EIF3H: variants seen among roughly 807,000 people sequenced by gnomAD.
EIF3H encodes eukaryotic translation initiation factor 3 subunit H.
A neutral mutation model predicts 44.2 loss-of-function variants in EIF3H; 26 were observed. That is an observed-to-expected ratio of 0.59 (90% confidence interval 0.43 to 0.82). The LOEUF (loss-of-function observed/expected upper bound fraction) is 0.82. Ranked by LOEUF, EIF3H falls within the 40% of genes least tolerant of loss-of-function variation. The pLI is 0.00. For synonymous variants in EIF3H, 166 were observed against 151.9 expected (o/e 1.09, Z -0.68); for missense variants, 359 against 432.8 (o/e 0.83, Z 1.51).
chr8:116,649,796 G>A (rs1027556414), intron 5 of EIF3H, among the ~76,000 whole-genome samples: 1 of 152,238 alleles, frequency 6.6e-6, no homozygotes, highest in South Asian at 2.1e-4. Flanking sequence ...GGATGGAGGA[G>A]AAAGAGAAGG....
chr8:116,748,878 A>G lies in EIF3H; in HGVS notation c.132+6788T>C, dbSNP rs535555517. Among the ~76,000 whole-genome samples the G allele has an allele frequency of 1.2e-3, 189 of 152,316 alleles. 1 individual carries two copies. The highest frequency in any genetic ancestry group is 4.4e-3 in the African/African-American group (181 of 41,568). ...TAACATTTAATACAATGTAAATGCT[A>G]TGTAAATAATTATTATACTGTATTG... is the stretch of plus-strand genomic sequence containing the variant. On this transcript the variant is annotated intron_variant, in intron 1 of 7. Transcript: ENST00000521861.
At chr8:116,723,863 G>C (rs1455208099) in intron 2 of EIF3H, among the ~76,000 whole-genome samples, 1 of 152,162 alleles carries the variant, frequency 6.6e-6, no homozygotes, top group Non-Finnish European at 1.5e-5. Context: ...ATGTTCAGAG[G>C]TTAGACTTCA....
chr8:116,756,095 C>T, upstream of EIF3H: 1 of 1,254,952 alleles, frequency 8.0e-7, no homozygotes, highest in Admixed American at 2.0e-5. Flanking sequence ...TTACAGTTCG[C>T]ATTATTTCTG....
At chr8:116,649,479 G>C (rs577027540) in intron 5 of EIF3H, among the ~76,000 whole-genome samples, 1 of 151,966 alleles carries the variant, frequency 6.6e-6, no homozygotes. Flanking sequence ...ATTCTCTCCC[G>C]AAATTTCTAT....
At chr8:116,718,281 T>A (rs918556781) in intron 2 of EIF3H, among the ~76,000 whole-genome samples, 1 of 152,130 alleles carries the variant, frequency 6.6e-6, no homozygotes, top group African/African-American at 2.4e-5. Flanking sequence ...TGTAAACTAG[T>A]AGAATGACTA....
chr8:116,733,815 T>A (rs1814988809), intron 1 of EIF3H, among the ~76,000 whole-genome samples: 1 of 152,190 alleles, frequency 6.6e-6, no homozygotes, highest in Non-Finnish European at 1.5e-5. Flanking sequence ...TATGTTTTAA[T>A]GAAAAATATT....
intron 2 of EIF3H, among the ~76,000 whole-genome samples, chr8:116,677,298 A>T (rs1349221914): frequency 6.6e-6 from 1 of 151,848 alleles, no homozygotes; most frequent in Non-Finnish European, 1.5e-5. Flanking sequence ...CTTACAAATC[A>T]ACGTACTTTG....
At chr8:116,679,240 A>C in intron 2 of EIF3H, among the ~76,000 whole-genome samples, 1 of 45,918 alleles carries the variant, frequency 2.2e-5, no homozygotes, top group East Asian at 5.5e-4. Context: ...GGCCGCCCCT[A>C]CTGGGAAGTG....
chr8:116,718,939 A>T (rs1025719819), intron 2 of EIF3H, among the ~76,000 whole-genome samples: 3 of 151,994 alleles, frequency 2.0e-5, no homozygotes, highest in African/African-American at 7.2e-5. Flanking sequence ...AGAAAAAGTT[A>T]GGTGTTACAT....
At chr8:116,674,131 A>C (rs142367977) in intron 2 of EIF3H, among the ~76,000 whole-genome samples, 80 of 146,900 alleles carry the variant, frequency 5.4e-4, no homozygotes, top group Admixed American at 1.0e-3. Flanking sequence ...TAAATTTATT[A>C]TTTTGACTAC....
At chr8:116,717,271 C>T (rs996834689) in intron 2 of EIF3H, among the ~76,000 whole-genome samples, 1 of 152,134 alleles carries the variant, frequency 6.6e-6, no homozygotes, top group Non-Finnish European at 1.5e-5. Context: ...AATGGAAACA[C>T]ATGCCATGCT....
At chr8:116,698,148 A>G (rs916363292) in intron 2 of EIF3H, among the ~76,000 whole-genome samples, 26 of 152,232 alleles carry the variant, frequency 1.7e-4, no homozygotes, top group African/African-American at 5.3e-4. Context: ...GCTACTAGGT[A>G]GCTACAATTT....
At chr8:116,731,875 C>G (rs1446481667) in intron 1 of EIF3H, among the ~76,000 whole-genome samples, 2 of 152,116 alleles carry the variant, frequency 1.3e-5, no homozygotes, top group Non-Finnish European at 2.9e-5. Flanking sequence ...CAGTAGAAAC[C>G]CAACTTAGCA....
chr8:116,755,707 A>G lies in EIF3H; in HGVS notation c.91T>C (p.Ser31Pro), dbSNP rs1193776806. The change falls in exon 1 of 8, where the codon TCG becomes CCG. Residue 31 changes from serine to proline, a missense_variant. Transcript: ENST00000521861. ...AAGKGKGKGG[S>P]GDSAVKQVQI... ...ACTTGCTTCACGGCTGAATCTCCCG[A>G]GCCGCCTTTGCCTTTGCCTTTCCCT... 6.2e-7 allele frequency: 1 copy of G among 1,614,014 alleles called. No individual in the cohort carries two copies. Among genetic ancestry groups the G allele is most frequent in the Non-Finnish European group, 8.5e-7 (1 of 1,179,984 alleles).
intron 2 of EIF3H, among the ~76,000 whole-genome samples, chr8:116,681,443 G>C (rs1813987837): frequency 6.6e-6 from 1 of 152,138 alleles, no homozygotes; most frequent in East Asian, 1.9e-4. Flanking sequence ...GAGGCGGGCG[G>C]ATCACCTGAG....
rs1813533015 is a variant in EIF3H at position 116,658,723 on chromosome 8, G to C, written c.457+90C>G. 2.2e-6 allele frequency: 3 copies of C among 1,363,314 alleles called. No homozygotes were observed. The South Asian group carries it at 4.3e-5, about 20-fold the overall frequency. The allele number at this position is 1,363,314 out of a possible 1,614,324, so 84.5% of individuals were successfully genotyped here. Reference sequence around the variant, plus strand: ...GGTTGGTATTTACTTGAGAAGGCCTGCCAGACTGCTCTTAGAGGCAAAAAG... The same window carrying C: ...GGTTGGTATTTACTTGAGAAGGCCTCCCAGACTGCTCTTAGAGGCAAAAAG... On this transcript the variant is annotated intron_variant, in intron 3 of 7. Transcript: ENST00000521861.
Position 116,648,136 on chromosome 8 carries a change from T to A in EIF3H, c.828+670A>T, listed in dbSNP as rs183553962. On this transcript the variant is annotated intron_variant, in intron 6 of 7. Coordinates refer to ENST00000521861, the MANE Select transcript of EIF3H (RefSeq NM_003756.3). The stretch of plus-strand genomic sequence containing the variant: ...CATTTTAATGAACAGAGTAGTCATA[T>A]ATAAATACTACTTTCACAGATAAAC... 7.9e-5 allele frequency among the ~76,000 whole-genome samples: 12 copies of A among 152,318 alleles called. No homozygotes were observed. In the East Asian group the frequency reaches 2.3e-3, roughly 29 times the overall value.
intron 1 of EIF3H, among the ~76,000 whole-genome samples, chr8:116,738,303 C>T (rs1403601803): frequency 6.6e-6 from 1 of 152,078 alleles, no homozygotes; most frequent in Non-Finnish European, 1.5e-5. Flanking sequence ...TTAGCAGGTT[C>T]CTTTACATTT....
chr8:116,753,491 C>A (rs1170832398), intron 1 of EIF3H, among the ~76,000 whole-genome samples: 1 of 152,124 alleles, frequency 6.6e-6, no homozygotes, highest in African/African-American at 2.4e-5. Context: ...AAAGGTATGT[C>A]TTCCACAGTA....
Sources: gnomAD v4.1 joint callset for allele counts (sites outside exome capture counted in the v4.1 genomes callset) on GRCh38, gnomAD v4.1.1 for gene constraint, MANE v1.5 for transcripts, NCBI Gene and HGNC (gene_info 2026-07-23, HGNC 2026-07-21) for gene names.